FBXL13: variants seen among roughly 807,000 people sequenced by gnomAD.
The protein encoded by FBXL13 is F-box and leucine rich repeat protein 13.
In FBXL13, 67 loss-of-function variants were observed where a neutral mutation model predicts 83.6. The ratio of observed to expected loss-of-function variants is 0.80; its 90% CI spans 0.66 to 0.98. FBXL13 has a LOEUF of 0.98. Ranked by LOEUF, FBXL13 falls within the 50% of genes least tolerant of loss-of-function variation. FBXL13 has a pLI of 0.00. For missense variants in FBXL13, 822 were observed against 866.5 expected (o/e 0.95, Z 0.64); for synonymous variants, 272 against 299.5 (o/e 0.91, Z 0.95).
At chr7:102,893,099 G>A (rs966601410) in intron 11 of FBXL13, among the ~76,000 whole-genome samples, 1 of 152,150 alleles carries the variant, frequency 6.6e-6, no homozygotes, top group African/African-American at 2.4e-5. Flanking sequence ...CAAAACTCTT[G>A]TTGTTCCAAT....
chr7:103,038,019 G>A (rs1280594344), intron 2 of FBXL13, among the ~76,000 whole-genome samples: 1 of 152,166 alleles, frequency 6.6e-6, no homozygotes, highest in Non-Finnish European at 1.5e-5. Flanking sequence ...GGAAGTGCAA[G>A]GGGTCAGGGG....
intron 6 of FBXL13, among the ~76,000 whole-genome samples, chr7:103,003,759 T>A (rs2129485818): frequency 6.6e-6 from 1 of 152,162 alleles, no homozygotes; most frequent in Admixed American, 6.5e-5. Flanking sequence ...TTTTATTTAG[T>A]AGAGATGGGG....
At chr7:102,856,342 A>G (rs1021882079) in intron 16 of FBXL13, among the ~76,000 whole-genome samples, 4 of 152,250 alleles carry the variant, frequency 2.6e-5, no homozygotes, top group African/African-American at 9.6e-5. Flanking sequence ...TTGAACACAA[A>G]TATCAAGTAA....
At chr7:102,840,030 A>T (rs1040111550) in intron 17 of FBXL13, among the ~76,000 whole-genome samples, 1 of 152,196 alleles carries the variant, frequency 6.6e-6, no homozygotes, top group Non-Finnish European at 1.5e-5. Context: ...GGCTGCACAG[A>T]TCCAGAACAT....
rs563602951 is a variant in FBXL13 at position 102,881,614 on chromosome 7, A to G, written c.1388+1691T>C. On this transcript the variant is annotated intron_variant, in intron 14 of 19. Transcript: ENST00000313221. Reference sequence around the variant, plus strand: ...GTCTCACTGTTATCATTACTATGTAACAAATTGATCCAAACTTTGTGGCTT... The same window carrying G: ...GTCTCACTGTTATCATTACTATGTAGCAAATTGATCCAAACTTTGTGGCTT... Among the ~76,000 whole-genome samples, 3 of 152,036 alleles carry G rather than the reference A, an allele frequency of 2.0e-5. No individual in the cohort carries two copies. The South Asian group carries it at 6.2e-4, about 32-fold the overall frequency.
At chr7:102,897,312 G>C (rs1048730337) in intron 11 of FBXL13, among the ~76,000 whole-genome samples, 2 of 151,962 alleles carry the variant, frequency 1.3e-5, no homozygotes, top group Non-Finnish European at 2.9e-5. Flanking sequence ...CTGTGCTTAA[G>C]GGATTGAGAG....
chr7:102,812,134 G>A (rs1797468949), downstream of FBXL13, among the ~76,000 whole-genome samples: 1 of 152,206 alleles, frequency 6.6e-6, no homozygotes, highest in Non-Finnish European at 1.5e-5. Context: ...GACAAGGCTT[G>A]TTTGCGGCAG....
intron 6 of FBXL13, chr7:102,973,564 G>A (rs778962770): frequency 2.6e-6 from 2 of 765,232 alleles, no homozygotes; most frequent in South Asian, 1.3e-5. Context: ...ACACTGCCTC[G>A]TGTTGTCTGT....
chr7:102,973,543 C>T, intron 6 of FBXL13: 1 of 764,734 alleles, frequency 1.3e-6, no homozygotes, highest in Non-Finnish European at 2.4e-6. Flanking sequence ...ATTAAAACAG[C>T]AGGTTGCTCC....
chr7:102,831,585 A>G (rs557353024), intron 18 of FBXL13, among the ~76,000 whole-genome samples: 4 of 152,136 alleles, frequency 2.6e-5, no homozygotes, highest in Non-Finnish European at 5.9e-5. Context: ...AGATCTATCT[A>G]CTTCTTAAGA....
chr7:103,068,731 C>A (rs1313524919), intron 1 of FBXL13, among the ~76,000 whole-genome samples: 1 of 152,162 alleles, frequency 6.6e-6, no homozygotes, highest in Non-Finnish European at 1.5e-5. Flanking sequence ...GGTAACATGA[C>A]AGGTTAGAAA....
chr7:102,822,561 C>A (rs1360691376), intron 18 of FBXL13: 1 of 421,062 alleles, frequency 2.4e-6, no homozygotes, highest in Non-Finnish European at 4.7e-6. Flanking sequence ...AAAGGCCCCA[C>A]TTTCTATTAC....
At position 103,025,513 on chromosome 7, in the gene FBXL13, C is replaced by A. The variant is rs76739941; in HGVS notation, c.328-283G>T. On this transcript the variant is annotated intron_variant, in intron 5 of 19. Coordinates refer to ENST00000313221, the Ensembl canonical transcript of FBXL13. ...TCTTTCACAGATGAGGAAGTGAGGACCACAAAGTCAAGGCTCTGGCAATGA... is the reference window on the plus strand; with the variant it reads ...TCTTTCACAGATGAGGAAGTGAGGAACACAAAGTCAAGGCTCTGGCAATGA... Among the ~76,000 whole-genome samples, 710 of 152,180 alleles carry A rather than the reference C, an allele frequency of 4.7e-3. 7 individuals carry two copies. Among genetic ancestry groups the A allele is most frequent in the African/African-American group, 0.016 (679 of 41,496 alleles).
intron 17 of FBXL13, among the ~76,000 whole-genome samples, chr7:102,833,473 C>T (rs183030318): frequency 6.7e-6 from 1 of 150,256 alleles, no homozygotes; most frequent in Non-Finnish European, 1.5e-5. Flanking sequence ...CCTCTGTTGC[C>T]CAGGCTTGGA....
intron 9 of FBXL13, among the ~76,000 whole-genome samples, chr7:102,930,174 T>C (rs1329296343): frequency 6.6e-6 from 1 of 152,116 alleles, no homozygotes; most frequent in Non-Finnish European, 1.5e-5. Context: ...AAGATGAGGC[T>C]GTAAAAATGA....
Position 102,926,824 on chromosome 7 carries a change from A to G in FBXL13, c.778-450T>C, listed in dbSNP as rs979604296. On this transcript the variant is annotated intron_variant, in intron 9 of 19. Coordinates refer to ENST00000313221, the Ensembl canonical transcript of FBXL13. ...TTAGTAACAGTCCATATTTATACACATATACATTTATACATAGATGTGTGT... is the reference window on the plus strand; with the variant it reads ...TTAGTAACAGTCCATATTTATACACGTATACATTTATACATAGATGTGTGT... 3.3e-5 allele frequency among the ~76,000 whole-genome samples: 5 copies of G among 152,220 alleles called. No individual in the cohort carries two copies. The South Asian group carries it at 8.3e-4, about 25-fold the overall frequency.
chr7:102,997,600 A>G (rs1789944412), intron 6 of FBXL13, among the ~76,000 whole-genome samples: 2 of 152,136 alleles, frequency 1.3e-5, no homozygotes, highest in South Asian at 4.1e-4. Flanking sequence ...GACTCTGGTA[A>G]CCACCAATAT....
At chr7:102,878,126 T>C (rs1400824956) in intron 15 of FBXL13, among the ~76,000 whole-genome samples, 1 of 152,176 alleles carries the variant, frequency 6.6e-6, no homozygotes, top group Non-Finnish European at 1.5e-5. Flanking sequence ...TCAGATGTAA[T>C]TTAAATATAA....
At chr7:103,020,290 AT>A (rs1363356412) in intron 6 of FBXL13, among the ~76,000 whole-genome samples, 2 of 152,238 alleles carry the variant, frequency 1.3e-5, no homozygotes, top group African/African-American at 2.4e-5. Flanking sequence ...CGTGCTAAAA[AT>A]TCTCTATAAA....
Sources: gnomAD v4.1 joint callset for allele counts (sites outside exome capture counted in the v4.1 genomes callset) on GRCh38, gnomAD v4.1.1 for gene constraint, MANE v1.5 for transcripts, NCBI Gene and HGNC (gene_info 2026-07-23, HGNC 2026-07-21) for gene names.